Variants in UBE2E2 observed in about 807,000 individuals in gnomAD.
UBE2E2 encodes the protein ubiquitin-conjugating enzyme E2 E2.
UBE2E2 carries 6 observed loss-of-function variants against 24.7 expected under a neutral mutation model. The ratio of observed to expected loss-of-function variants is 0.24; its 90% confidence interval spans 0.13 to 0.48. UBE2E2 has a LOEUF of 0.48. Among genes scored for constraint, UBE2E2 ranks in the 20% least tolerant of loss-of-function variants. The probability of loss-of-function intolerance (pLI) is 0.99; values close to 1 mark genes in which losing one functional copy is unlikely to be tolerated. For missense variants in UBE2E2, 169 were observed against 245.0 expected (o/e 0.69, Z 2.07); for synonymous variants, 104 against 83.6 (o/e 1.24, Z -1.33).
At chr3:23,552,168 C>G (rs865883399) in intron 5 of UBE2E2, among the ~76,000 whole-genome samples, 22 of 152,066 alleles carry the variant, frequency 1.4e-4, no homozygotes, top group African/African-American at 5.3e-4. Context: ...TATGGCCACC[C>G]GGGCAGACTA....
intron 2 of UBE2E2, among the ~76,000 whole-genome samples, chr3:23,216,926 T>G (rs1274452831): frequency 6.6e-6 from 1 of 152,148 alleles, no homozygotes; most frequent in Non-Finnish European, 1.5e-5. Context: ...TGTATGGGAA[T>G]GCTCTAATAC....
chr3:23,342,779 G>A (rs1381434629), intron 3 of UBE2E2, among the ~76,000 whole-genome samples: 3 of 152,092 alleles, frequency 2.0e-5, no homozygotes, highest in Non-Finnish European at 4.4e-5. Flanking sequence ...GATAGAAATG[G>A]GAGGGGAAAT....
intron 3 of UBE2E2, among the ~76,000 whole-genome samples, chr3:23,293,824 A>G (rs1698835237): frequency 6.6e-6 from 1 of 152,170 alleles, no homozygotes; most frequent in Non-Finnish European, 1.5e-5. Flanking sequence ...TGTTTTTTAA[A>G]TTCAGCTTTA....
chr3:23,516,092 G>A (rs1427609827), intron 4 of UBE2E2, among the ~76,000 whole-genome samples: 1 of 152,178 alleles, frequency 6.6e-6, no homozygotes, highest in African/African-American at 2.4e-5. Flanking sequence ...AAGCTAACCT[G>A]CAGGTGGAAA....
chr3:23,557,280 A>G lies in UBE2E2; in HGVS notation c.508+24579A>G, dbSNP rs76681343. ...TGGCAGGCTCATTGAATGCTTTCAT[A>G]CTACATCATTTACTGTTGCGCATTT... On this transcript the variant is annotated intron_variant, in intron 5 of 5. Coordinates refer to ENST00000396703, the MANE Select transcript of UBE2E2 (RefSeq NM_152653.4). Among the ~76,000 whole-genome samples the G allele has an allele frequency of 2.4e-3, 364 of 152,344 alleles. 1 individual carries two copies. The highest frequency in any genetic ancestry group is 8.2e-3 in the African/African-American group (339 of 41,574).
intron 3 of UBE2E2, among the ~76,000 whole-genome samples, chr3:23,310,294 G>C (rs1222772888): frequency 8.2e-5 from 8 of 97,356 alleles, no homozygotes; most frequent in Non-Finnish European, 1.2e-4. Flanking sequence ...TGTGCAAAAG[G>C]CATGCCTTTT....
chr3:23,467,797 T>C (rs1256964912), intron 3 of UBE2E2, among the ~76,000 whole-genome samples: 7 of 152,314 alleles, frequency 4.6e-5, no homozygotes, highest in African/African-American at 1.4e-4. Flanking sequence ...TTTTGTGAGC[T>C]GTACAGGCTT....
chr3:23,211,252 CT>C (rs776988119), intron 2 of UBE2E2, among the ~76,000 whole-genome samples: 17 of 152,078 alleles, frequency 1.1e-4, no homozygotes, highest in Non-Finnish European at 2.4e-4. Context: ...TTATTTCACA[CT>C]TTTTTGTTGA....
chr3:23,257,530 CTTTT>C (rs3057372), intron 3 of UBE2E2, among the ~76,000 whole-genome samples: 3 of 16,258 alleles, frequency 1.8e-4, no homozygotes, highest in African/African-American at 7.2e-4. Context: ...CCCCCCCCCA[CTTTT>C]TTTTTTTTTT....
chr3:23,357,316 C>T (rs1306957528), intron 3 of UBE2E2, among the ~76,000 whole-genome samples: 1 of 151,840 alleles, frequency 6.6e-6, no homozygotes, highest in Non-Finnish European at 1.5e-5. Flanking sequence ...TTTAATCTAC[C>T]CATTGTCTAA....
At chr3:23,399,112 C>A (rs1329301723) in intron 3 of UBE2E2, among the ~76,000 whole-genome samples, 1 of 152,044 alleles carries the variant, frequency 6.6e-6, no homozygotes, top group South Asian at 2.1e-4. Context: ...GCATTTATCA[C>A]GTTTCTTTTT....
At chr3:23,226,839 A>T (rs1696839357) in intron 3 of UBE2E2, among the ~76,000 whole-genome samples, 1 of 152,140 alleles carries the variant, frequency 6.6e-6, no homozygotes, top group African/African-American at 2.4e-5. Context: ...GATTTAAAAA[A>T]ATTGTGTCAT....
At chr3:23,560,222 C>T (rs1030951289) in intron 5 of UBE2E2, among the ~76,000 whole-genome samples, 13 of 134,272 alleles carry the variant, frequency 9.7e-5, no homozygotes, top group Non-Finnish European at 1.8e-4. Context: ...CCCCCTCCCC[C>T]CACCCCACAA....
intron 3 of UBE2E2, among the ~76,000 whole-genome samples, chr3:23,269,636 T>C (rs1198551311): frequency 6.6e-6 from 1 of 152,176 alleles, no homozygotes; most frequent in East Asian, 1.9e-4. Context: ...GAATCTCAAC[T>C]ACTCTGGGCA....
chr3:23,255,438 A>G (rs1321644704), intron 3 of UBE2E2, among the ~76,000 whole-genome samples: 1 of 152,096 alleles, frequency 6.6e-6, no homozygotes, highest in Non-Finnish European at 1.5e-5. Flanking sequence ...TCAGGCACTT[A>G]AAATAACGCA....
At chr3:23,393,362 G>A (rs1368235826) in intron 3 of UBE2E2, among the ~76,000 whole-genome samples, 1 of 152,266 alleles carries the variant, frequency 6.6e-6, no homozygotes, top group Non-Finnish European at 1.5e-5. Context: ...AAGATGCTCA[G>A]GATATATGAG....
At position 23,590,895 on chromosome 3, in the gene UBE2E2, A is replaced by G. The variant is rs1696745182; in HGVS notation, c.*1064A>G. Reference sequence around the variant, plus strand: ...TGTGAAAGTGAAGTCTGAGCTAATCATTGTGTTCAGCCACTTTCAACTTTA... The same window carrying G: ...TGTGAAAGTGAAGTCTGAGCTAATCGTTGTGTTCAGCCACTTTCAACTTTA... On this transcript the variant is annotated 3_prime_UTR_variant, in exon 6 of 6. Coordinates refer to ENST00000396703, the MANE Select transcript of UBE2E2 (RefSeq NM_152653.4). The G allele has an allele frequency of 1.3e-5, 2 of 152,228 alleles. No homozygotes were observed. Among genetic ancestry groups the G allele is most frequent in the Admixed American group, 1.3e-4 (2 of 15,274 alleles). The allele number at this position is 152,228 out of a possible 1,614,324, so 9.4% of individuals were successfully genotyped here. A position where few individuals can be genotyped will look rare whatever the true frequency, so the allele number is the denominator to read the frequency against.
intron 3 of UBE2E2, among the ~76,000 whole-genome samples, chr3:23,359,095 C>G (rs1287678862): frequency 6.6e-6 from 1 of 152,138 alleles, no homozygotes; most frequent in African/African-American, 2.4e-5. Context: ...TTCAACTATT[C>G]AACATCATGA....
Position 23,208,757 on chromosome 3 carries a change from G to A in UBE2E2, c.58G>A (p.Asp20Asn). ...DSPSTSGGSSDGDQRESVQQE... is the reference protein window; with the variant it reads ...DSPSTSGGSSNGDQRESVQQE... ...TCCAAGCACTAGTGGAGGAAGTTCC[G>A]ATGGAGATCAACGTGAAAGTGTTCA... Residue 20 changes from aspartate (D) to asparagine (N), a missense_variant, in exon 2 of 6, where the codon GAT (aspartate) becomes AAT (asparagine). Physicochemically the swap from Asp to Asn is conservative, Grantham distance 23. Coordinates refer to ENST00000396703, the MANE Select transcript of UBE2E2 (RefSeq NM_152653.4). The A allele has an allele frequency of 1.9e-6, 3 of 1,613,690 alleles. No homozygotes were observed. Among genetic ancestry groups the A allele is most frequent in the East Asian group, 2.2e-5 (1 of 44,858 alleles).
Sources: gnomAD v4.1 joint callset for allele counts (sites outside exome capture counted in the v4.1 genomes callset) on GRCh38, gnomAD v4.1.1 for gene constraint, MANE v1.5 for transcripts, NCBI Gene and HGNC (gene_info 2026-07-23, HGNC 2026-07-21) for gene names.